The following MRE11 variants were observed in gnomAD, a reference collection of about 807,000 sequenced individuals.
MRE11 encodes double-strand break repair protein MRE11.
In MRE11, 62 loss-of-function variants were observed where a neutral mutation model predicts 91.7. That is an observed-to-expected ratio of 0.68 (90% CI 0.55 to 0.84). The LOEUF (loss-of-function observed/expected upper bound fraction) is 0.84. Ranked by LOEUF, MRE11 falls within the 40% of genes least tolerant of loss-of-function variation. MRE11 has a pLI of 0.00. For synonymous variants in MRE11, 273 were observed against 271.4 expected (o/e 1.01, Z -0.06); for missense variants, 796 against 852.9 (o/e 0.93, Z 0.83).
chr11:94,437,075 T>A, intron 17 of MRE11, 102 bp downstream of exon 17: 3 of 1,043,896 alleles, frequency 2.9e-6, no homozygotes, highest in Non-Finnish European at 4.2e-6. Flanking sequence ...TAATGTTCCA[T>A]AATTTTTCTT....
intron 18 of MRE11, among the ~76,000 whole-genome samples, chr11:94,434,294 G>A (rs1474400157): frequency 6.6e-6 from 1 of 152,052 alleles, no homozygotes; most frequent in Non-Finnish European, 1.5e-5. Flanking sequence ...GTCACATACA[G>A]CTTATATTCT....
In MRE11 at chr11:94,438,129, AAAAAC is replaced by A. The variant is rs373325204; in HGVS notation, c.1868-899_1868-895del. On this transcript the variant is annotated intron_variant, in intron 16 of 19. Coordinates refer to ENST00000323929, the MANE Select transcript of MRE11 (RefSeq NM_005591.4). ...GGCAACAGAGCGAAACTCCGTCTCAAAAAACAAAACAAAACAAAACAAAACAAAAC... is the reference window on the plus strand; with the variant it reads ...GGCAACAGAGCGAAACTCCGTCTCAAAAAACAAAACAAAACAAAACAAAAC... 8.4e-3 allele frequency among the ~76,000 whole-genome samples: 1,272 copies of A among 152,136 alleles called. 19 individuals carry two copies. Among genetic ancestry groups the A allele is most frequent in the African/African-American group, 0.027 (1,119 of 41,430 alleles).
intron 18 of MRE11, among the ~76,000 whole-genome samples, chr11:94,430,486 T>G (rs1458247313): frequency 1.3e-5 from 1 of 76,076 alleles, no homozygotes; most frequent in African/African-American, 4.6e-5. Flanking sequence ...CTTTTTACTC[T>G]TTTTTTTTTT....
intron 6 of MRE11, among the ~76,000 whole-genome samples, chr11:94,476,715 T>A (rs549246420): frequency 6.7e-6 from 1 of 149,784 alleles, no homozygotes; most frequent in African/African-American, 2.5e-5. Context: ...TGTTTCAGGG[T>A]TTTTTTTCTT....
chr11:94,457,713 A>C (rs1227564164), intron 13 of MRE11, among the ~76,000 whole-genome samples: 1 of 152,152 alleles, frequency 6.6e-6, no homozygotes, highest in Non-Finnish European at 1.5e-5. Flanking sequence ...AGGAGGGCCT[A>C]TTATCATCAC....
chr11:94,478,203 G>A (rs1390323132), intron 6 of MRE11, among the ~76,000 whole-genome samples: 2 of 152,006 alleles, frequency 1.3e-5, no homozygotes, highest in African/African-American at 2.4e-5. Flanking sequence ...GAGGAGGAAA[G>A]GCAATTTTCT....
At chr11:94,452,436 A>G (rs112525069) in intron 14 of MRE11, among the ~76,000 whole-genome samples, 2,469 of 152,290 alleles carry the variant, frequency 0.016, 68 homozygotes, top group African/African-American at 0.057. Context: ...AGATGTGAGG[A>G]AACAAGCACT....
rs150372475 is a variant in MRE11, at chr11:94,492,599, T to C, written c.20+183A>G. The stretch of plus-strand genomic sequence containing the variant: ...CTCCAATCTATAGCTGCATATTAGC[T>C]TCCAGTTAACAAACAGATAAATATT... On this transcript the variant is annotated intron_variant, in intron 2 of 19. Coordinates refer to ENST00000323929, the MANE Select transcript of MRE11 (RefSeq NM_005591.4). 178 of 1,085,630 alleles carry C rather than the reference T, an allele frequency of 1.6e-4. No individual in the cohort carries two copies. In the East Asian group the frequency reaches 4.1e-3, roughly 25 times the overall value. 67.2% of individuals were successfully genotyped at this position (1,085,630 alleles called of 1,614,324 possible).
Position 94,445,888 on chromosome 11 carries a change from T to C in MRE11, c.1789A>G (p.Thr597Ala), listed in dbSNP as rs1945915086. The change falls in exon 16 of 20, where the codon ACT becomes GCT. Residue 597 changes from threonine (T) to alanine (A), a missense_variant. Physicochemically the swap from Thr to Ala is moderately conservative, Grantham distance 58. Transcript: ENST00000323929. ...RGGSQRGRAD[T>A]GLETSTRSRN... The stretch of plus-strand genomic sequence containing the variant: ...CTACGGGTAGAAGTCTCCAGACCAG[T>C]GTCTGCTGTTAGAAAAATGAACAGT... The C allele has an allele frequency of 6.2e-7, 1 of 1,612,936 alleles. No homozygotes were observed. Among genetic ancestry groups the C allele is most frequent in the East Asian group, 2.2e-5 (1 of 44,852 alleles).
At chr11:94,503,302 C>T in the MRE11 span, among the ~76,000 whole-genome samples, 2 of 152,128 alleles carry the variant, frequency 1.3e-5, no homozygotes, top group South Asian at 2.1e-4. Flanking sequence ...TTAGACACCT[C>T]ATGTAAGAGA....
chr11:94,496,977 G>T, upstream of MRE11: 1 of 1,610,536 alleles, frequency 6.2e-7, no homozygotes, highest in South Asian at 1.1e-5. Context: ...ACAGAGGGAA[G>T]TGTGACAGTA....
At chr11:94,424,959 G>A (rs113605104) in intron 19 of MRE11, among the ~76,000 whole-genome samples, 1 of 152,216 alleles carries the variant, frequency 6.6e-6, no homozygotes, top group Non-Finnish European at 1.5e-5. Context: ...TTCTCCAATC[G>A]TGCTAGAAAG....
rs918214528 is a variant in MRE11, at chr11:94,479,670, T to C, written c.402+4A>G. 6.2e-7 allele frequency: 1 copy of C among 1,609,952 alleles called. No homozygotes were observed. Among genetic ancestry groups the C allele is most frequent in the Admixed American group, 1.7e-5 (1 of 59,990 alleles). Reference sequence around the variant, plus strand: ...CCAACAAACTCTAAGAAAACAATAATTACCCCTGTGGGATCGTCATGATTG... The same window carrying C: ...CCAACAAACTCTAAGAAAACAATAACTACCCCTGTGGGATCGTCATGATTG... On this transcript the variant is annotated splice_donor_region_variant and intron_variant, in intron 5 of 19. Coordinates refer to ENST00000323929, the MANE Select transcript of MRE11 (RefSeq NM_005591.4).
rs761032773 is a variant in MRE11 at position 94,480,467 on chromosome 11, C to T, written c.315-706G>A. ...TCACCACAATGTGTTTGAGCAGTTCCCTACCAATGGACATTTAGATTCTTG... is the reference window on the plus strand; with the variant it reads ...TCACCACAATGTGTTTGAGCAGTTCTCTACCAATGGACATTTAGATTCTTG... On this transcript the variant is annotated intron_variant, in intron 4 of 19. Transcript: ENST00000323929. Among the ~76,000 whole-genome samples the T allele has an allele frequency of 8.5e-4, 129 of 152,310 alleles. 1 individual carries two copies. Among genetic ancestry groups the T allele is most frequent in the Non-Finnish European group, 1.6e-3 (107 of 68,036 alleles).
intron 3 of MRE11, among the ~76,000 whole-genome samples, 200 bp downstream of exon 3, chr11:94,490,633 A>G (rs1947260427): frequency 6.6e-6 from 1 of 152,268 alleles, no homozygotes. Flanking sequence ...AAATTTTAAC[A>G]GACTATTTAC....
At chr11:94,509,262 G>A in the MRE11 span, among the ~76,000 whole-genome samples, 1 of 151,986 alleles carries the variant, frequency 6.6e-6, no homozygotes, top group African/African-American at 2.4e-5. Flanking sequence ...TCTTTTTAAA[G>A]ATTTATCCTT....
Position 94,471,690 on chromosome 11 carries a change from C to G in MRE11, c.729G>C (p.Trp243Cys), listed in dbSNP as rs587782105. Residue 243 changes from tryptophan to cysteine, a missense_variant, in exon 8 of 20, where the codon TGG becomes TGC. By Grantham distance (215) the Trp-to-Cys change is radical (BLOSUM62 -2). Transcript: ENST00000323929. ...CTATTTTACACTCATGTTCATGGCC[C>G]CAGATAACAAGATCAATGAAGTCAT... ...FLDDFIDLVI[W>C]GHEHECKIAP... is the part of the protein sequence containing the mutation. The G allele has an allele frequency of 4.3e-6, 7 of 1,612,538 alleles. No homozygotes were observed. Among genetic ancestry groups the G allele is most frequent in the African/African-American group, 1.3e-5 (1 of 74,908 alleles).
chr11:94,425,180 T>C (rs974455295), intron 19 of MRE11, among the ~76,000 whole-genome samples: 2 of 152,192 alleles, frequency 1.3e-5, no homozygotes, highest in African/African-American at 4.8e-5. Flanking sequence ...CAGAAGAGAC[T>C]GGGGACCTAT....
the MRE11 span, chr11:94,512,408 C>A: frequency 9.0e-7 from 1 of 1,116,734 alleles, no homozygotes; most frequent in Middle Eastern, 3.4e-4. Context: ...CTCGGAAGGC[C>A]GGCTGGGGGC....
Sources: gnomAD v4.1 joint callset for allele counts (sites outside exome capture counted in the v4.1 genomes callset) on GRCh38, gnomAD v4.1.1 for gene constraint, MANE v1.5 for transcripts, NCBI Gene and HGNC (gene_info 2026-07-23, HGNC 2026-07-21) for gene names.